UNC5D: variants seen among roughly 807,000 people sequenced by gnomAD.
UNC5D encodes the protein netrin receptor UNC5D.
UNC5D carries 39 observed loss-of-function variants against 105.4 expected under a neutral mutation model. The ratio of observed to expected loss-of-function variants is 0.37; its 90% CI spans 0.29 to 0.48. The LOEUF (loss-of-function observed/expected upper bound fraction) is 0.48, where lower values mean the gene tolerates loss of function less well. Ranked by LOEUF, UNC5D falls within the 20% of genes least tolerant of loss-of-function variation. UNC5D has a pLI of 0.98. For missense variants in UNC5D, 991 were observed against 1,202.4 expected (o/e 0.82, Z 2.60); for synonymous variants, 452 against 450.4 (o/e 1.00, Z -0.04).
chr8:35,610,086 T>C (rs565100263), intron 4 of UNC5D, among the ~76,000 whole-genome samples: 8 of 152,110 alleles, frequency 5.3e-5, no homozygotes, highest in African/African-American at 1.9e-4. Flanking sequence ...CCAGGTACTA[T>C]GGTAGGTGGT....
chr8:35,556,026 G>A (rs1701561385), intron 2 of UNC5D, among the ~76,000 whole-genome samples: 1 of 151,960 alleles, frequency 6.6e-6, no homozygotes, highest in Non-Finnish European at 1.5e-5. Context: ...ACTTTTTCAG[G>A]TGGATGTGGA....
intron 2 of UNC5D, among the ~76,000 whole-genome samples, chr8:35,566,263 A>G (rs938948755): frequency 3.5e-4 from 53 of 152,208 alleles, no homozygotes; most frequent in Admixed American, 3.5e-3. Context: ...CACATCATAA[A>G]TAACACGTTA....
chr8:35,448,621 T>C (rs2128989297), intron 1 of UNC5D, among the ~76,000 whole-genome samples: 1 of 152,260 alleles, frequency 6.6e-6, no homozygotes, highest in Admixed American at 6.5e-5. Context: ...TATTTCTTTT[T>C]ATTTGTATAA....
At chr8:35,451,177 G>A (rs770224066) in intron 1 of UNC5D, among the ~76,000 whole-genome samples, 51 of 151,650 alleles carry the variant, frequency 3.4e-4, no homozygotes, top group Non-Finnish European at 3.1e-4. Flanking sequence ...CCAAGTAGCT[G>A]GGATTACAGG....
chr8:35,313,094 C>G (rs1208666017), intron 1 of UNC5D, among the ~76,000 whole-genome samples: 1 of 152,138 alleles, frequency 6.6e-6, no homozygotes, highest in Admixed American at 6.5e-5. Flanking sequence ...GTACAAGTCA[C>G]CACTGGAGTA....
At chr8:35,655,355 C>T (rs926332245) in intron 4 of UNC5D, among the ~76,000 whole-genome samples, 3 of 152,292 alleles carry the variant, frequency 2.0e-5, no homozygotes, top group South Asian at 2.1e-4. Context: ...TCTCAACTCA[C>T]GACGCTAGGT....
intron 1 of UNC5D, among the ~76,000 whole-genome samples, chr8:35,480,652 A>G (rs1191502700): frequency 6.6e-6 from 1 of 152,216 alleles, no homozygotes; most frequent in African/African-American, 2.4e-5. Flanking sequence ...AAGAATTTAC[A>G]AAAGTTTATG....
intron 1 of UNC5D, among the ~76,000 whole-genome samples, chr8:35,359,582 A>G (rs575317040): frequency 6.6e-6 from 1 of 152,188 alleles, no homozygotes; most frequent in African/African-American, 2.4e-5. Flanking sequence ...TATACCATAC[A>G]TGGATTACTT....
intron 1 of UNC5D, among the ~76,000 whole-genome samples, chr8:35,382,820 G>A (rs1803127150): frequency 6.6e-6 from 1 of 152,254 alleles, no homozygotes; most frequent in Admixed American, 6.5e-5. Context: ...TGGCTTTGAT[G>A]TTTCTGTGAA....
intron 1 of UNC5D, among the ~76,000 whole-genome samples, chr8:35,493,280 C>A (rs1270201087): frequency 6.6e-5 from 4 of 60,980 alleles, no homozygotes; most frequent in Admixed American, 4.8e-4. Flanking sequence ...AAGTCTGTGA[C>A]CAAAAAAAAA....
intron 3 of UNC5D, among the ~76,000 whole-genome samples, chr8:35,591,708 T>C (rs1207723036): frequency 6.6e-6 from 1 of 152,116 alleles, no homozygotes. Flanking sequence ...AGGTATTTAT[T>C]AAGAACCTGC....
At chr8:35,573,748 T>C (rs1817907733) in intron 3 of UNC5D, among the ~76,000 whole-genome samples, 1 of 152,184 alleles carries the variant, frequency 6.6e-6, no homozygotes, top group Admixed American at 6.5e-5. Context: ...TACACATGCA[T>C]GCATGCACAC....
Position 35,420,874 on chromosome 8 carries a change from CT to C in UNC5D, c.104-128417del, listed in dbSNP as rs1398545121. Among the ~76,000 whole-genome samples the C allele has an allele frequency of 3.9e-5, 6 of 152,136 alleles. No homozygotes were observed. The East Asian group carries it at 9.7e-4, about 25-fold the overall frequency. On this transcript the variant is annotated intron_variant, in intron 1 of 16. Coordinates refer to ENST00000404895, the MANE Select transcript of UNC5D (RefSeq NM_080872.4). ...AAAAAATCATTATTACCTAAAGTATCTGACAAGTCAAGTAGGATACAGGTCA... is the reference window on the plus strand; with the variant it reads ...AAAAAATCATTATTACCTAAAGTATCGACAAGTCAAGTAGGATACAGGTCA...
intron 4 of UNC5D, among the ~76,000 whole-genome samples, chr8:35,656,099 A>G (rs1823717124): frequency 6.6e-6 from 1 of 152,012 alleles, no homozygotes; most frequent in Non-Finnish European, 1.5e-5. Flanking sequence ...TATTTGGGAG[A>G]GATAGGATCT....
intron 1 of UNC5D, among the ~76,000 whole-genome samples, chr8:35,423,720 G>A (rs1285346245): frequency 6.6e-6 from 1 of 152,000 alleles, no homozygotes; most frequent in Admixed American, 6.6e-5. Flanking sequence ...GGAAAAGTAG[G>A]GGCAGTATTA....
rs117825193 is a variant in UNC5D at position 35,559,181 on chromosome 8, A to G, written c.323-8917A>G. On this transcript the variant is annotated intron_variant, in intron 2 of 16. Coordinates refer to ENST00000404895, the MANE Select transcript of UNC5D (RefSeq NM_080872.4). ...ATAATGTGAACAAGGAGGTACAAAG[A>G]AAGTGAAACATTGAACTGAAAAGGT... 3.3e-4 allele frequency among the ~76,000 whole-genome samples: 51 copies of G among 152,334 alleles called. No individual in the cohort carries two copies. The East Asian group carries it at 8.1e-3, about 24-fold the overall frequency.
At chr8:35,780,252 A>T (rs1802442254) in intron 16 of UNC5D, among the ~76,000 whole-genome samples, 2 of 152,210 alleles carry the variant, frequency 1.3e-5, no homozygotes, top group African/African-American at 4.8e-5. Context: ...TTTGAGAGTT[A>T]ATGGGTTATG....
intron 3 of UNC5D, among the ~76,000 whole-genome samples, chr8:35,572,105 G>A (rs1817766501): frequency 6.6e-6 from 1 of 151,940 alleles, no homozygotes; most frequent in South Asian, 2.1e-4. Flanking sequence ...TGGCCAACAT[G>A]TCGAAACCCC....
At chr8:35,621,498 G>A (rs938188355) in intron 4 of UNC5D, among the ~76,000 whole-genome samples, 6 of 152,162 alleles carry the variant, frequency 3.9e-5, no homozygotes, top group African/African-American at 1.2e-4. Flanking sequence ...GTCATTGTGA[G>A]CTAGAATTCA....
Sources: gnomAD v4.1 joint callset for allele counts (sites outside exome capture counted in the v4.1 genomes callset) on GRCh38, gnomAD v4.1.1 for gene constraint, MANE v1.5 for transcripts, NCBI Gene and HGNC (gene_info 2026-07-23, HGNC 2026-07-21) for gene names.